Variants in PLD5 observed in about 807,000 individuals in gnomAD.
The protein encoded by PLD5 is phospholipase D family member 5.
In PLD5, 36 loss-of-function variants were observed where a neutral mutation model predicts 61.1. That is an observed-to-expected ratio of 0.59 (90% CI 0.45 to 0.78). PLD5 has a LOEUF of 0.78. Among genes scored for constraint, PLD5 ranks in the 30% least tolerant of loss-of-function variants. The pLI is 0.00. For missense variants in PLD5, 515 were observed against 644.4 expected, an observed-to-expected ratio of 0.80 and a Z score of 2.17; for synonymous variants, 243 against 242.8, an observed-to-expected ratio of 1.00 and a Z score of -0.01.
At chr1:242,113,296 T>G (rs749777169) in intron 7 of PLD5, among the ~76,000 whole-genome samples, 1 of 152,094 alleles carries the variant, frequency 6.6e-6, no homozygotes, top group African/African-American at 2.4e-5. Context: ...GGTTTCACCA[T>G]GTTAGCCAGG....
chr1:242,484,998 A>G (rs1240026205), intron 1 of PLD5, among the ~76,000 whole-genome samples: 2 of 152,214 alleles, frequency 1.3e-5, no homozygotes, highest in African/African-American at 4.8e-5. Flanking sequence ...GGCCTTTGAC[A>G]AAATTCAACA....
intron 1 of PLD5, among the ~76,000 whole-genome samples, chr1:242,392,711 C>G (rs1376674229): frequency 6.6e-6 from 1 of 152,120 alleles, no homozygotes; most frequent in Non-Finnish European, 1.5e-5. Context: ...CATCTCCTCA[C>G]AGGGCCAGAA....
At chr1:242,121,701 T>C (rs915361896) in intron 6 of PLD5, among the ~76,000 whole-genome samples, 2 of 151,984 alleles carry the variant, frequency 1.3e-5, no homozygotes, top group Non-Finnish European at 2.9e-5. Context: ...CAAATGTCCA[T>C]CAATGATAGA....
chr1:242,175,558 T>A (rs1667083958), intron 5 of PLD5, among the ~76,000 whole-genome samples: 1 of 152,230 alleles, frequency 6.6e-6, no homozygotes, highest in Non-Finnish European at 1.5e-5. Flanking sequence ...ATGCCTTCTC[T>A]CACTACTCCT....
chr1:242,469,784 C>CAT (rs1259742803), intron 1 of PLD5, among the ~76,000 whole-genome samples: 4 of 152,176 alleles, frequency 2.6e-5, no homozygotes, highest in Admixed American at 2.6e-4. Flanking sequence ...CCCCTGCCAG[C>CAT]ATCCCCATCC....
chr1:242,391,120 G>A (rs1572040055), intron 1 of PLD5, among the ~76,000 whole-genome samples: 1 of 152,154 alleles, frequency 6.6e-6, no homozygotes, highest in Non-Finnish European at 1.5e-5. Context: ...GCGTGAACCC[G>A]GGAGGCGGAG....
chr1:242,286,407 G>A (rs1194203675), intron 3 of PLD5, among the ~76,000 whole-genome samples: 1 of 152,074 alleles, frequency 6.6e-6, no homozygotes, highest in Non-Finnish European at 1.5e-5. Context: ...TCTTCCTGTG[G>A]GCAGCAAACC....
chr1:242,430,884 GC>G lies in PLD5; in HGVS notation c.190-82643del, dbSNP rs546647909. 3.9e-4 allele frequency among the ~76,000 whole-genome samples: 59 copies of G among 152,248 alleles called. 1 individual carries two copies. In the South Asian group the frequency reaches 0.011, roughly 27 times the overall value. On this transcript the variant is annotated intron_variant, in intron 1 of 9. Coordinates refer to ENST00000536534, the MANE Select transcript of PLD5 (RefSeq NM_001372062.1). ...ACATGTCTGGATGCACAAGCACCAT[GC>G]CCCACGCCTGTCCTGCAGCGCCTCC...
intron 2 of PLD5, among the ~76,000 whole-genome samples, chr1:242,333,533 G>A (rs1308001373): frequency 2.0e-5 from 3 of 152,048 alleles, no homozygotes; most frequent in Non-Finnish European, 4.4e-5. Flanking sequence ...GTGTACCAGG[G>A]ACTGGTTACG....
chr1:242,170,224 T>C (rs1412669663), intron 5 of PLD5, among the ~76,000 whole-genome samples: 1 of 152,080 alleles, frequency 6.6e-6, no homozygotes, highest in East Asian at 1.9e-4. Flanking sequence ...GGATGAAGAT[T>C]CAAGAAAAAA....
At chr1:242,498,426 G>C (rs778424894) in intron 1 of PLD5, among the ~76,000 whole-genome samples, 1 of 152,178 alleles carries the variant, frequency 6.6e-6, no homozygotes, top group Non-Finnish European at 1.5e-5. Context: ...CTCCCTGTGA[G>C]ATGTAGTCCT....
At chr1:242,371,062 G>A (rs564029080) in intron 1 of PLD5, among the ~76,000 whole-genome samples, 1 of 152,266 alleles carries the variant, frequency 6.6e-6, no homozygotes, top group African/African-American at 2.4e-5. Flanking sequence ...AAACACTGCT[G>A]ACAAAACCCA....
chr1:242,299,533 T>C (rs1675907027), intron 2 of PLD5, among the ~76,000 whole-genome samples: 1 of 152,212 alleles, frequency 6.6e-6, no homozygotes, highest in Non-Finnish European at 1.5e-5. Flanking sequence ...CTGTAGAGTG[T>C]ATCGTCTTAA....
chr1:242,421,990 A>G (rs1251160844), intron 1 of PLD5, among the ~76,000 whole-genome samples: 1 of 152,144 alleles, frequency 6.6e-6, no homozygotes, highest in Non-Finnish European at 1.5e-5. Context: ...TGAAGAAAAG[A>G]GAAGGAGCGT....
chr1:242,220,157 C>T, intron 4 of PLD5, 42 bp from the exon 5 acceptor site: 1 of 1,604,812 alleles, frequency 6.2e-7, no homozygotes, highest in Non-Finnish European at 8.5e-7. Flanking sequence ...TGCGTCAAGG[C>T]CCTGCCTGGG....
intron 2 of PLD5, among the ~76,000 whole-genome samples, chr1:242,326,968 C>T (rs1357541587): frequency 2.0e-5 from 3 of 151,802 alleles, no homozygotes; most frequent in East Asian, 1.9e-4. Context: ...CAGATTCAAG[C>T]GATTCTCCTG....
chr1:242,120,282 C>T (rs949840680), intron 6 of PLD5, among the ~76,000 whole-genome samples: 1 of 152,076 alleles, frequency 6.6e-6, no homozygotes, highest in Non-Finnish European at 1.5e-5. Flanking sequence ...CTCAACCCCA[C>T]TAAATTGTAT....
At chr1:242,433,308 G>A (rs188528479) in intron 1 of PLD5, among the ~76,000 whole-genome samples, 1 of 152,300 alleles carries the variant, frequency 6.6e-6, no homozygotes, top group East Asian at 1.9e-4. Context: ...ATAGTGAAAA[G>A]TAGGTGTCTC....
At chr1:242,202,416 G>T (rs185697756) in intron 5 of PLD5, among the ~76,000 whole-genome samples, 25 of 152,228 alleles carry the variant, frequency 1.6e-4, no homozygotes, top group Admixed American at 1.5e-3. Flanking sequence ...AAGCTTTGAT[G>T]AAGAAACCAC....
Sources: gnomAD v4.1 joint callset for allele counts (sites outside exome capture counted in the v4.1 genomes callset) on GRCh38, gnomAD v4.1.1 for gene constraint, MANE v1.5 for transcripts, NCBI Gene and HGNC (gene_info 2026-07-23, HGNC 2026-07-21) for gene names.